The following NCALD variants were observed in gnomAD, a reference collection of about 807,000 sequenced individuals.
NCALD encodes neurocalcin delta.
Under a neutral mutation model 18.6 loss-of-function variants are expected in NCALD, and 10 were observed. The ratio of observed to expected loss-of-function variants is 0.54; its 90% CI spans 0.33 to 0.91. The LOEUF is 0.91. Among genes scored for constraint, NCALD ranks in the 40% least tolerant of loss-of-function variants. The probability of loss-of-function intolerance (pLI) is 0.03; values close to 1 mark genes in which losing one functional copy is unlikely to be tolerated. For missense variants in NCALD, 184 were observed against 247.6 expected (o/e 0.74, Z 1.72); for synonymous variants, 88 against 87.4 (o/e 1.01, Z -0.04).
intron 1 of NCALD, among the ~76,000 whole-genome samples, chr8:101,751,482 TA>T (rs1810655643): frequency 6.6e-6 from 1 of 152,154 alleles, no homozygotes; most frequent in Non-Finnish European, 1.5e-5. Flanking sequence ...ATTGTATGCC[TA>T]AAATTAGTTA....
chr8:101,926,771 G>T (rs1818349890), intron 2 of NCALD, among the ~76,000 whole-genome samples: 1 of 152,198 alleles, frequency 6.6e-6, no homozygotes, highest in South Asian at 2.1e-4. Context: ...TCATGGCCAG[G>T]TAGGGTTAGG....
At chr8:101,823,552 A>T (rs1429693410) in intron 4 of NCALD, among the ~76,000 whole-genome samples, 32 of 147,478 alleles carry the variant, frequency 2.2e-4, no homozygotes, top group Non-Finnish European at 4.7e-4. Flanking sequence ...TTGAGCAAAT[A>T]AAAAAAATGT....
At chr8:101,902,276 T>G (rs1040846445) in intron 3 of NCALD, among the ~76,000 whole-genome samples, 61 of 117,210 alleles carry the variant, frequency 5.2e-4, no homozygotes, top group African/African-American at 3.1e-3. Flanking sequence ...CACTGAGTTT[T>G]TTTTTTTTTT....
intron 4 of NCALD, among the ~76,000 whole-genome samples, chr8:101,883,798 C>A (rs1473743046): frequency 2.6e-5 from 4 of 152,174 alleles, no homozygotes; most frequent in African/African-American, 7.2e-5. Context: ...CTATATATTT[C>A]CTTATTGGCA....
chr8:102,121,740 A>G (rs79553662), intron 1 of NCALD, among the ~76,000 whole-genome samples: 17,028 of 152,204 alleles, frequency 0.11, 1,140 homozygotes, highest in Non-Finnish European at 0.14. Flanking sequence ...TCTGCCCCTC[A>G]CCATTAAAAG....
intron 1 of NCALD, chr8:102,069,969 C>G (rs1003223131): frequency 6.6e-6 from 1 of 152,044 alleles, no homozygotes; most frequent in Non-Finnish European, 1.5e-5. Context: ...CAAAATTTAG[C>G]CAGATGTGGT....
chr8:101,774,566 T>C (rs1811713750), intron 1 of NCALD, among the ~76,000 whole-genome samples: 1 of 152,122 alleles, frequency 6.6e-6, no homozygotes, highest in Non-Finnish European at 1.5e-5. Flanking sequence ...CCCATGAAGG[T>C]AGAAAGAGCA....
At chr8:101,999,549 T>G (rs562478857) in intron 2 of NCALD, among the ~76,000 whole-genome samples, 1 of 152,154 alleles carries the variant, frequency 6.6e-6, no homozygotes, top group African/African-American at 2.4e-5. Context: ...AATAAAAGAC[T>G]ACACCTTGGG....
In NCALD at chr8:101,961,628, C is replaced by T. The variant is rs573841106; in HGVS notation, c.-156-45770G>A. The stretch of plus-strand genomic sequence containing the variant: ...TTTATTTTTTATTGACAGGGTGTCA[C>T]TATGTTGTCCAGGCTGGTCTTGAAG... On this transcript the variant is annotated intron_variant, in intron 2 of 6. Coordinates refer to the NCALD transcript ENST00000311028. Among the ~76,000 whole-genome samples the T allele has an allele frequency of 7.9e-5, 12 of 152,250 alleles. No individual in the cohort carries two copies. In the East Asian group the frequency reaches 2.1e-3, roughly 27 times the overall value.
chr8:102,008,513 C>A (rs1418409114), intron 2 of NCALD, among the ~76,000 whole-genome samples: 1 of 150,742 alleles, frequency 6.6e-6, no homozygotes, highest in Non-Finnish European at 1.5e-5. Flanking sequence ...ATCATTCTGG[C>A]CTTCCTTCTG....
At chr8:102,122,448 T>G (rs1413619080) in intron 1 of NCALD, among the ~76,000 whole-genome samples, 2 of 152,184 alleles carry the variant, frequency 1.3e-5, no homozygotes, top group Non-Finnish European at 2.9e-5. Flanking sequence ...AAGACGGTCC[T>G]GATTGGGAAC....
At chr8:101,753,701 T>C (rs1810754910) in intron 1 of NCALD, among the ~76,000 whole-genome samples, 1 of 152,160 alleles carries the variant, frequency 6.6e-6, no homozygotes, top group Non-Finnish European at 1.5e-5. Flanking sequence ...AAGGAAGGGA[T>C]AGTCTCTTTC....
intron 2 of NCALD, among the ~76,000 whole-genome samples, chr8:101,699,554 A>G (rs1354228953): frequency 6.6e-6 from 1 of 152,242 alleles, no homozygotes; most frequent in Non-Finnish European, 1.5e-5. Context: ...AATATGGCAC[A>G]TATACACCAT....
intron 2 of NCALD, among the ~76,000 whole-genome samples, chr8:101,994,778 G>A (rs1185137435): frequency 6.6e-6 from 1 of 152,206 alleles, no homozygotes; most frequent in African/African-American, 2.4e-5. Flanking sequence ...TACTTCAGAG[G>A]TCTACTTTGG....
At chr8:101,900,308 T>TTTTCTTG (rs1817373287) in intron 3 of NCALD, among the ~76,000 whole-genome samples, 1 of 151,888 alleles carries the variant, frequency 6.6e-6, no homozygotes, top group South Asian at 2.1e-4. Flanking sequence ...AGCCTGTTTA[T>TTTTCTTG]TTTCTTGTTT....
intron 2 of NCALD, among the ~76,000 whole-genome samples, chr8:101,923,287 T>C (rs1304734991): frequency 6.6e-6 from 1 of 152,242 alleles, no homozygotes; most frequent in Admixed American, 6.5e-5. Flanking sequence ...TATTTTGTTA[T>C]AGCAGCATGA....
At chr8:101,780,698 A>G (rs945824075) in intron 1 of NCALD, among the ~76,000 whole-genome samples, 1 of 152,188 alleles carries the variant, frequency 6.6e-6, no homozygotes, top group Admixed American at 6.5e-5. Flanking sequence ...ACGTACACAT[A>G]AAGATGGCTA....
intron 3 of NCALD, among the ~76,000 whole-genome samples, chr8:101,911,484 A>G (rs552075626): frequency 1.0e-4 from 15 of 150,660 alleles, no homozygotes; most frequent in African/African-American, 3.7e-4. Flanking sequence ...CAGGCTCCCT[A>G]GTACCTGAGA....
intron 1 of NCALD, among the ~76,000 whole-genome samples, chr8:102,117,628 C>T (rs768656284): frequency 1.4e-5 from 2 of 143,164 alleles, no homozygotes; most frequent in Non-Finnish European, 3.0e-5. Context: ...AAAAAAAAAA[C>T]GCAACTTACA....
Sources: allele counts gnomAD v4.1 joint callset (sites outside exome capture counted in the v4.1 genomes callset), GRCh38; gene constraint gnomAD v4.1.1; transcripts MANE v1.5; gene names NCBI Gene and HGNC (gene_info 2026-07-23, HGNC 2026-07-21).